The following TWIST2 variants were observed in gnomAD, a reference collection of about 807,000 sequenced individuals.
TWIST2 encodes the protein twist-related protein 2.
TWIST2 carries 1 observed loss-of-function variant against 11.6 expected under a neutral mutation model. The observed-to-expected ratio is 0.09, with a 90% CI of 0.03 to 0.41. The LOEUF (loss-of-function observed/expected upper bound fraction) is 0.41, where lower values mean the gene tolerates loss of function less well. TWIST2 is among the 10% of genes least tolerant of loss of function. The probability of loss-of-function intolerance (pLI) is 0.98; values close to 1 mark genes in which losing one functional copy is unlikely to be tolerated. For missense variants in TWIST2, 168 were observed against 226.4 expected (o/e 0.74, Z 1.66); for synonymous variants, 87 against 96.6 (o/e 0.90, Z 0.58).
chr2:238,868,966 C>T (rs1248268741), intron 1 of TWIST2, among the ~76,000 whole-genome samples: 1 of 152,204 alleles, frequency 6.6e-6, no homozygotes, highest in East Asian at 1.9e-4. Context: ...CAGTTGGCAT[C>T]GGTGTCTGGG....
intron 1 of TWIST2, among the ~76,000 whole-genome samples, chr2:238,905,956 TAC>T (rs1693345716): frequency 2.7e-4 from 30 of 111,232 alleles, no homozygotes; most frequent in African/African-American, 4.6e-4. Context: ...CGCGCGTGTG[TAC>T]GTGTGCGTGT....
chr2:238,906,888 C>T (rs922990985), intron 1 of TWIST2, among the ~76,000 whole-genome samples: 1 of 152,238 alleles, frequency 6.6e-6, no homozygotes, highest in Non-Finnish European at 1.5e-5. Flanking sequence ...CGCTGGTTTG[C>T]CCCTTGGCTC....
rs149132323 is a variant in TWIST2, at chr2:238,867,501, G to A, written c.*35+18768G>A. On this transcript the variant is annotated intron_variant, in intron 1 of 1. Transcript: ENST00000612363. The surrounding 1 kb of genome is among the most constrained non-coding windows in gnomAD (Gnocchi z 4.8). ...TAAAGAGAAGTCCCAGCCAGCTCCC[G>A]GGGTGGTGTGGGCTGAGGAAGAGGC... Among the ~76,000 whole-genome samples the A allele has an allele frequency of 0.018, 2,800 of 152,090 alleles. 97 individuals are homozygous for A. Among genetic ancestry groups the A allele is most frequent in the East Asian group, 0.13 (659 of 5,156 alleles).
chr2:238,868,325 C>T (rs879583348), intron 1 of TWIST2, among the ~76,000 whole-genome samples: 5 of 152,204 alleles, frequency 3.3e-5, no homozygotes, highest in African/African-American at 7.2e-5. Context: ...GGGAGCCCCC[C>T]GCCCCCCAGC....
intron 1 of TWIST2, among the ~76,000 whole-genome samples, chr2:238,853,295 A>C (rs1049967447): frequency 6.6e-6 from 1 of 152,156 alleles, no homozygotes; most frequent in Non-Finnish European, 1.5e-5. Flanking sequence ...GATTTATAAA[A>C]ATTATTCGCC....
chr2:238,853,340 G>A (rs1574744924), intron 1 of TWIST2, among the ~76,000 whole-genome samples: 1 of 151,768 alleles, frequency 6.6e-6, no homozygotes, highest in East Asian at 1.9e-4. Context: ...AGTATTTGGA[G>A]CCATAAGCAG....
At chr2:238,905,888 C>CACGT in intron 1 of TWIST2, among the ~76,000 whole-genome samples, 1 of 141,280 alleles carries the variant, frequency 7.1e-6, no homozygotes, top group South Asian at 2.3e-4. Context: ...TGCATGTGCG[C>CACGT]GCATGCGCGT....
intron 1 of TWIST2, among the ~76,000 whole-genome samples, chr2:238,874,089 G>GTTGA (rs1191492986): frequency 6.6e-6 from 1 of 152,206 alleles, no homozygotes; most frequent in Non-Finnish European, 1.5e-5. Context: ...CAGGCAGGAT[G>GTTGA]TTGATGGAGG....
chr2:238,903,374 AGT>A (rs1280112350), intron 1 of TWIST2, among the ~76,000 whole-genome samples: 2,655 of 113,504 alleles, frequency 0.023, 69 homozygotes, highest in African/African-American at 0.085. Context: ...GGTGTGATTT[AGT>A]GTGTGCGTGA....
Position 238,868,166 on chromosome 2 carries a change from A to C in TWIST2, c.*35+19433A>C, listed in dbSNP as rs181781958. Among the ~76,000 whole-genome samples, 191 of 152,246 alleles carry C rather than the reference A, an allele frequency of 1.3e-3. 2 individuals carry two copies. Among genetic ancestry groups the C allele is most frequent in the African/African-American group, 4.3e-3 (180 of 41,560 alleles). On this transcript the variant is annotated intron_variant, in intron 1 of 1. Coordinates refer to ENST00000612363, the MANE Select transcript of TWIST2 (RefSeq NM_001271893.4). ...CGTGCCCTGGGTTCCCTCTGGGTGC[A>C]CCTGCCCAGGAGGTCAGGCTTTCTG...
chr2:238,853,152 A>G (rs1692270675), intron 1 of TWIST2, among the ~76,000 whole-genome samples: 1 of 152,198 alleles, frequency 6.6e-6, no homozygotes, highest in Non-Finnish European at 1.5e-5. Context: ...TTCCTATACT[A>G]ATAAAGAAAA....
Position 238,864,057 on chromosome 2 carries a change from C to CT in TWIST2, c.*35+15326dup, listed in dbSNP as rs770475829. Among the ~76,000 whole-genome samples, 23 of 152,324 alleles carry CT rather than the reference C, an allele frequency of 1.5e-4. No homozygotes were observed. Among genetic ancestry groups the CT allele is most frequent in the Non-Finnish European group, 2.9e-4 (20 of 68,032 alleles). On this transcript the variant is annotated intron_variant, in intron 1 of 1. Transcript: ENST00000612363. The surrounding 1 kb of genome is among the most constrained non-coding windows in gnomAD (Gnocchi z 4.7). ...ATAATCTAATTTTCGTTAAGCCTGTCTTCCTTTACACCCTGGGCTACATTT... is the reference window on the plus strand; with the variant it reads ...ATAATCTAATTTTCGTTAAGCCTGTCTTTCCTTTACACCCTGGGCTACATTT...
chr2:238,873,808 A>C lies in TWIST2; in HGVS notation c.*35+25075A>C, dbSNP rs141032308. Reference sequence around the variant, plus strand: ...GGAACATCTCGATACCAGAAACAAAATAATAAAAAGCCTTTGTTTGTGTCT... The same window carrying C: ...GGAACATCTCGATACCAGAAACAAACTAATAAAAAGCCTTTGTTTGTGTCT... On this transcript the variant is annotated intron_variant, in intron 1 of 1. Transcript: ENST00000612363. 6.6e-5 allele frequency among the ~76,000 whole-genome samples: 10 copies of C among 152,302 alleles called. No homozygotes were observed. The East Asian group carries it at 1.9e-3, about 29-fold the overall frequency.
intron 1 of TWIST2, among the ~76,000 whole-genome samples, chr2:238,856,520 A>G (rs1230524250): frequency 6.6e-6 from 1 of 152,138 alleles, no homozygotes; most frequent in Non-Finnish European, 1.5e-5. Context: ...TTTATAATTT[A>G]TAACATGGAA....
intron 1 of TWIST2, among the ~76,000 whole-genome samples, chr2:238,853,409 G>C (rs1258490016): frequency 6.7e-6 from 1 of 148,956 alleles, no homozygotes; most frequent in Non-Finnish European, 1.5e-5. Context: ...GAGAGGGAGA[G>C]AGGGAGAGAT....
At chr2:238,902,778 T>G (rs1693288924) in intron 1 of TWIST2, among the ~76,000 whole-genome samples, 1 of 141,698 alleles carries the variant, frequency 7.1e-6, no homozygotes. Context: ...GTGAGGTGTG[T>G]GTGATGTGGG....
intron 1 of TWIST2, among the ~76,000 whole-genome samples, chr2:238,902,141 T>C (rs996516240): frequency 6.6e-6 from 1 of 151,982 alleles, no homozygotes; most frequent in African/African-American, 2.4e-5. Flanking sequence ...CCCTCCAGGG[T>C]CCCCTGGCAG....
intron 1 of TWIST2, among the ~76,000 whole-genome samples, chr2:238,890,286 C>T (rs756366890): frequency 2.6e-5 from 4 of 152,208 alleles, no homozygotes; most frequent in South Asian, 4.1e-4. Flanking sequence ...AGACGCTGAC[C>T]GCTGCTCTGT....
chr2:238,905,942 TGC>T lies in TWIST2; in HGVS notation c.*36-3892_*36-3891del, dbSNP rs1307469908. On this transcript the variant is annotated intron_variant, in intron 1 of 1. Transcript: ENST00000612363. ...GCAGGTGTGCGTGTGCGCGTGTGTG[TGC>T]GCGCGCGTGTGTACGTGTGCGTGTG... 1.0e-4 allele frequency among the ~76,000 whole-genome samples: 11 copies of T among 109,774 alleles called. No homozygotes were observed. In the South Asian group the frequency reaches 1.8e-3, roughly 18 times the overall value. 72.0% of individuals were successfully genotyped at this position (109,774 alleles called of 152,430 possible).
Sources: gnomAD v4.1 joint callset for allele counts (sites outside exome capture counted in the v4.1 genomes callset) on GRCh38, gnomAD v4.1.1 for gene constraint, Gnocchi (gnomAD v3.1) non-coding constraint, MANE v1.5 for transcripts, NCBI Gene and HGNC (gene_info 2026-07-23, HGNC 2026-07-21) for gene names.